Variants in CADM1 observed in about 807,000 individuals in gnomAD.
CADM1 encodes the protein cell adhesion molecule 1, also known as TSLC-1.
A neutral mutation model predicts 53.1 loss-of-function variants in CADM1; 15 were observed. That is an observed-to-expected ratio of 0.28 (90% CI 0.19 to 0.44). CADM1 has a LOEUF of 0.44. CADM1 is among the 20% of genes least tolerant of loss of function. CADM1 has a pLI of 1.00. For synonymous variants in CADM1, 281 were observed against 243.0 expected, an observed-to-expected ratio of 1.16 and a Z score of -1.45; for missense variants, 434 against 611.3, an observed-to-expected ratio of 0.71 and a Z score of 3.06.
At chr11:115,300,583 CT>C (rs1445728875) in intron 1 of CADM1, among the ~76,000 whole-genome samples, 1 of 152,060 alleles carries the variant, frequency 6.6e-6, no homozygotes, top group Non-Finnish European at 1.5e-5. Context: ...TCCTGAAGAA[CT>C]CTTGAAACAA....
chr11:115,288,950 G>C (rs972783815), intron 1 of CADM1, among the ~76,000 whole-genome samples: 5 of 152,062 alleles, frequency 3.3e-5, no homozygotes, highest in Admixed American at 3.3e-4. Context: ...CCTCCCTCCT[G>C]TTCCTGTAAA....
chr11:115,211,653 T>A (rs1591608544), intron 7 of CADM1, among the ~76,000 whole-genome samples: 1 of 134,148 alleles, frequency 7.5e-6, no homozygotes, highest in East Asian at 2.1e-4. Flanking sequence ...CTAATTTTTG[T>A]ATTTTTTTTT....
intron 1 of CADM1, among the ~76,000 whole-genome samples, chr11:115,242,467 T>C (rs1214729311): frequency 6.6e-6 from 1 of 151,586 alleles, no homozygotes. Context: ...GAGAAGAAAA[T>C]TTCTACCAAT....
intron 1 of CADM1, among the ~76,000 whole-genome samples, chr11:115,428,465 G>A (rs1315163380): frequency 6.6e-6 from 1 of 151,918 alleles, no homozygotes; most frequent in African/African-American, 2.4e-5. Context: ...TGCATCTGGT[G>A]AATTTTTTTT....
In CADM1 at chr11:115,220,080, C is replaced by T. The variant is rs78842257; in HGVS notation, c.722-2089G>A. On this transcript the variant is annotated intron_variant, in intron 5 of 11. Coordinates refer to ENST00000331581, the MANE Select transcript of CADM1 (RefSeq NM_001301043.2). Reference sequence around the variant, plus strand: ...TAATCTCTGATCTACAGAAAGGCTACGTTTTTCATGCACTGCTGACTTTGG... The same window carrying T: ...TAATCTCTGATCTACAGAAAGGCTATGTTTTTCATGCACTGCTGACTTTGG... Among the ~76,000 whole-genome samples, 58 of 152,204 alleles carry T rather than the reference C, an allele frequency of 3.8e-4. 1 individual carries two copies. The highest frequency in any genetic ancestry group is 2.1e-3 in the East Asian group (11 of 5,184).
chr11:115,242,508 C>A (rs1942274489), intron 1 of CADM1, among the ~76,000 whole-genome samples: 1 of 152,014 alleles, frequency 6.6e-6, no homozygotes, highest in Non-Finnish European at 1.5e-5. Flanking sequence ...GTTTTGCTGG[C>A]CCTGGCAAAA....
intron 1 of CADM1, among the ~76,000 whole-genome samples, chr11:115,391,128 G>A (rs1946825987): frequency 6.6e-6 from 1 of 152,150 alleles, no homozygotes; most frequent in African/African-American, 2.4e-5. Context: ...AAAGAAATCA[G>A]TGTGAATTAG....
chr11:115,306,702 A>G (rs1292529146), intron 1 of CADM1, among the ~76,000 whole-genome samples: 1 of 151,960 alleles, frequency 6.6e-6, no homozygotes, highest in East Asian at 1.9e-4. Flanking sequence ...AGTGTCACAG[A>G]ATTATCTCCC....
In CADM1 at chr11:115,175,290, G is replaced by A. The variant is rs542030545; in HGVS notation, c.*1184C>T. 2.5e-4 allele frequency: 250 copies of A among 984,614 alleles called. 3 individuals carry two copies. In the South Asian group the frequency reaches 1.0e-2, roughly 39 times the overall value. The allele number at this position is 984,614 out of a possible 1,614,324, so 61.0% of individuals were successfully genotyped here. On this transcript the variant is annotated 3_prime_UTR_variant, in exon 12 of 12. Transcript: ENST00000331581. Reference sequence around the variant, plus strand: ...AGGAATGAAAGTTTCACACAGATTCGAGTTGGAAATCCCAGCATGACAAAT... The same window carrying A: ...AGGAATGAAAGTTTCACACAGATTCAAGTTGGAAATCCCAGCATGACAAAT...
intron 1 of CADM1, among the ~76,000 whole-genome samples, chr11:115,413,527 A>G (rs544299138): frequency 2.0e-5 from 3 of 152,006 alleles, no homozygotes; most frequent in Non-Finnish European, 4.4e-5. Context: ...AACTGTCTCC[A>G]TTATCAACAC....
At chr11:115,344,605 T>C (rs1288716382) in intron 1 of CADM1, among the ~76,000 whole-genome samples, 1 of 152,128 alleles carries the variant, frequency 6.6e-6, no homozygotes, top group Non-Finnish European at 1.5e-5. Context: ...CCTATAGTAG[T>C]GTACTCCAGG....
intron 1 of CADM1, among the ~76,000 whole-genome samples, chr11:115,356,921 T>A (rs966359194): frequency 1.3e-5 from 2 of 152,206 alleles, no homozygotes; most frequent in Non-Finnish European, 2.9e-5. Context: ...GATAGCATTA[T>A]AACCAAAAGG....
At position 115,499,848 on chromosome 11, in the gene CADM1, CA is replaced by C. The variant is rs1407390759; in HGVS notation, c.124+4422del. On this transcript the variant is annotated intron_variant, in intron 1 of 11. Transcript: ENST00000331581. ...ATATTTTTAAAAACAGCTTTAGTCC[CA>C]AAATGTTACATTTTCTATTACATAA... 9.2e-5 allele frequency among the ~76,000 whole-genome samples: 14 copies of C among 152,268 alleles called. 1 individual carries two copies. Among genetic ancestry groups the C allele is most frequent in the Admixed American group, 3.9e-4 (6 of 15,292 alleles).
chr11:115,498,536 A>G (rs982457680), intron 1 of CADM1, among the ~76,000 whole-genome samples: 2 of 152,194 alleles, frequency 1.3e-5, no homozygotes, highest in South Asian at 2.1e-4. Flanking sequence ...ACTAGCTACA[A>G]TTACTGCATA....
chr11:115,312,183 A>G (rs1435941469), intron 1 of CADM1, among the ~76,000 whole-genome samples: 1 of 152,146 alleles, frequency 6.6e-6, no homozygotes, highest in Non-Finnish European at 1.5e-5. Flanking sequence ...AAAGGTGGCA[A>G]TTGGTTAACT....
chr11:115,186,731 T>C (rs980185671), intron 10 of CADM1, among the ~76,000 whole-genome samples: 7 of 152,256 alleles, frequency 4.6e-5, no homozygotes, highest in African/African-American at 1.2e-4. Flanking sequence ...TGGGTCTTCC[T>C]GTCCCAATGG....
At chr11:115,350,047 C>A (rs1945685847) in intron 1 of CADM1, among the ~76,000 whole-genome samples, 1 of 152,198 alleles carries the variant, frequency 6.6e-6, no homozygotes, top group South Asian at 2.1e-4. Flanking sequence ...TCTTGGCTCA[C>A]TGCAACCTCC....
intron 1 of CADM1, among the ~76,000 whole-genome samples, chr11:115,249,505 T>C (rs370277513): frequency 6.6e-6 from 1 of 152,364 alleles, no homozygotes; most frequent in East Asian, 1.9e-4. Context: ...TAATTCAATA[T>C]AGAACTATCT....
chr11:115,379,804 A>G (rs1946529587), intron 1 of CADM1, among the ~76,000 whole-genome samples: 1 of 152,226 alleles, frequency 6.6e-6, no homozygotes, highest in Non-Finnish European at 1.5e-5. Flanking sequence ...TGACACAAAC[A>G]CAGAAAAACA....
Sources: allele counts gnomAD v4.1 joint callset (sites outside exome capture counted in the v4.1 genomes callset), GRCh38; gene constraint gnomAD v4.1.1; transcripts MANE v1.5; gene names NCBI Gene and HGNC (gene_info 2026-07-23, HGNC 2026-07-21).